The following GABBR2 variants were observed in gnomAD, a reference collection of about 807,000 sequenced individuals.
The protein encoded by GABBR2 is G-protein coupled receptor 51.
Under a neutral mutation model 105.6 loss-of-function variants are expected in GABBR2, and 23 were observed. That is an observed-to-expected ratio of 0.22 (90% CI 0.16 to 0.31). GABBR2 has a LOEUF of 0.31. Ranked by LOEUF, GABBR2 falls within the 10% of genes least tolerant of loss-of-function variation. GABBR2 has a pLI of 1.00. For missense variants in GABBR2, 734 were observed against 1,245.5 expected (o/e 0.59, Z 6.18); for synonymous variants, 478 against 499.7 (o/e 0.96, Z 0.58).
chr9:98,634,134 A>G (rs934433070), intron 1 of GABBR2, among the ~76,000 whole-genome samples: 3 of 152,206 alleles, frequency 2.0e-5, no homozygotes, highest in African/African-American at 4.8e-5. Context: ...AGGAGTGCCT[A>G]TTAGGTGTAG....
chr9:98,700,507 C>A (rs1056507142), intron 1 of GABBR2, among the ~76,000 whole-genome samples: 3 of 152,118 alleles, frequency 2.0e-5, no homozygotes, highest in Non-Finnish European at 2.9e-5. Context: ...CTACCCGACT[C>A]TCCTTCCTTC....
At chr9:98,646,620 C>A in intron 1 of GABBR2, among the ~76,000 whole-genome samples, 1 of 152,162 alleles carries the variant, frequency 6.6e-6, no homozygotes. Context: ...CTTCAAAAGC[C>A]CTAAAGCTAT....
intron 1 of GABBR2, among the ~76,000 whole-genome samples, chr9:98,661,580 T>C (rs1830264401): frequency 6.6e-6 from 1 of 152,084 alleles, no homozygotes; most frequent in Non-Finnish European, 1.5e-5. Context: ...TTTGTATTTT[T>C]AGTAGAGGCA....
At chr9:98,341,144 G>GA (rs1422085587) in intron 13 of GABBR2, among the ~76,000 whole-genome samples, 1 of 152,224 alleles carries the variant, frequency 6.6e-6, no homozygotes, top group African/African-American at 2.4e-5. Context: ...CAAGGAAGAT[G>GA]AAATCAACTG....
At chr9:98,695,952 C>T (rs535942457) in intron 1 of GABBR2, among the ~76,000 whole-genome samples, 2 of 152,212 alleles carry the variant, frequency 1.3e-5, no homozygotes, top group Non-Finnish European at 2.9e-5. Context: ...TTACTGAGCA[C>T]CTACTATGTG....
intron 7 of GABBR2, among the ~76,000 whole-genome samples, chr9:98,446,836 G>C (rs28469088): frequency 0.12 from 17,982 of 152,064 alleles, 1,131 homozygotes; most frequent in South Asian, 0.19. Flanking sequence ...TACCACATTT[G>C]GACTATTTCA....
At position 98,492,349 on chromosome 9, in the gene GABBR2, T is replaced by TAAAAAAAAAAAAAAAAAAAAAAAAAAAAA. The variant is rs574771107; in HGVS notation, c.732+4063_732+4064insTTTTTTTTTTTTTTTTTTTTTTTTTTTTT. Among the ~76,000 whole-genome samples, 12 of 29,220 alleles carry TAAAAAAAAAAAAAAAAAAAAAAAAAAAAA rather than the reference T, an allele frequency of 4.1e-4. 2 individuals are homozygous for TAAAAAAAAAAAAAAAAAAAAAAAAAAAAA. The highest frequency in any genetic ancestry group is 6.3e-4 in the Admixed American group (1 of 1,580). 19.2% of individuals were successfully genotyped at this position (29,220 alleles called of 152,430 possible). A position where few individuals can be genotyped will look rare whatever the true frequency, so the allele number is the denominator to read the frequency against. On this transcript the variant is annotated intron_variant, in intron 4 of 18. Transcript: ENST00000259455. ...GAGCCCGCTTAAGTTTGTTTCCTAG[T>TAAAAAAAAAAAAAAAAAAAAAAAAAAAAA]AAAAAAAAAAAAAAAAAAAAAAAAA... is the stretch of plus-strand genomic sequence containing the variant.
chr9:98,390,756 G>A (rs151217606), intron 9 of GABBR2, among the ~76,000 whole-genome samples: 29 of 152,202 alleles, frequency 1.9e-4, no homozygotes, highest in Non-Finnish European at 3.5e-4. Flanking sequence ...GATCCTGGCT[G>A]GAAACAAGCC....
chr9:98,658,293 A>C (rs1046951346), intron 1 of GABBR2, among the ~76,000 whole-genome samples: 2 of 152,200 alleles, frequency 1.3e-5, no homozygotes, highest in African/African-American at 4.8e-5. Context: ...CCCCACCTCC[A>C]GAAGATTCTG....
chr9:98,625,781 T>G (rs546947240), intron 1 of GABBR2, among the ~76,000 whole-genome samples: 175 of 152,292 alleles, frequency 1.1e-3, no homozygotes, highest in Non-Finnish European at 1.8e-3. Flanking sequence ...GGGAATGCAT[T>G]TAGGCAACTC....
intron 5 of GABBR2, among the ~76,000 whole-genome samples, chr9:98,476,924 C>A (rs144504148): frequency 0.01 from 1,525 of 152,342 alleles, 8 homozygotes; most frequent in Non-Finnish European, 0.015. Flanking sequence ...GAGTGAGGCT[C>A]TCCTGCAAGG....
At chr9:98,487,132 A>G (rs894599656) in intron 4 of GABBR2, among the ~76,000 whole-genome samples, 1 of 152,218 alleles carries the variant, frequency 6.6e-6, no homozygotes, top group Non-Finnish European at 1.5e-5. Context: ...CTAATAATAT[A>G]TCTATGTCGT....
chr9:98,392,596 T>C (rs1259719867), intron 9 of GABBR2, among the ~76,000 whole-genome samples: 22 of 152,142 alleles, frequency 1.4e-4, no homozygotes, highest in Non-Finnish European at 2.9e-5. Context: ...CCAGTGGAAA[T>C]ATAGGAACAT....
Position 98,299,217 on chromosome 9 carries a change from CT to C in GABBR2, c.2542+6del, listed in dbSNP as rs774664411. 49 of 1,613,576 alleles carry C rather than the reference CT, an allele frequency of 3.0e-5. No individual in the cohort carries two copies. The highest frequency in any genetic ancestry group is 4.0e-5 in the African/African-American group (3 of 74,936). ...CCTACCACATTCTGGGGCCCTGGCT[CT>C]CTTACCTGTGCTCTCAGTGAAGTTT... is the stretch of plus-strand genomic sequence containing the variant. On this transcript the variant is annotated splice_donor_region_variant and intron_variant, in intron 17 of 18. Coordinates refer to ENST00000259455, the MANE Select transcript of GABBR2 (RefSeq NM_005458.8).
At chr9:98,541,538 C>G (rs1364379876) in intron 3 of GABBR2, among the ~76,000 whole-genome samples, 4 of 151,964 alleles carry the variant, frequency 2.6e-5, no homozygotes, top group Non-Finnish European at 5.9e-5. Context: ...GAACACACCC[C>G]CTGGTAGAAC....
intron 16 of GABBR2, among the ~76,000 whole-genome samples, chr9:98,300,352 C>A (rs570945322): frequency 1.3e-5 from 2 of 151,124 alleles, no homozygotes; most frequent in East Asian, 3.9e-4. Context: ...TCTATGTTGC[C>A]CAGGCCGGTC....
At chr9:98,472,603 G>A (rs1166392106) in intron 6 of GABBR2, among the ~76,000 whole-genome samples, 1 of 152,224 alleles carries the variant, frequency 6.6e-6, no homozygotes, top group East Asian at 1.9e-4. Context: ...GATCACAACA[G>A]TATGCTGAAT....
chr9:98,368,486 A>G (rs927316349), intron 12 of GABBR2, among the ~76,000 whole-genome samples: 1 of 152,142 alleles, frequency 6.6e-6, no homozygotes, highest in African/African-American at 2.4e-5. Flanking sequence ...CAGGCAGTGC[A>G]GGAGGAAGTG....
chr9:98,331,446 G>A (rs569636720), intron 13 of GABBR2, among the ~76,000 whole-genome samples: 86 of 119,324 alleles, frequency 7.2e-4, no homozygotes, highest in African/African-American at 2.8e-3. Flanking sequence ...AAGGCAGGAT[G>A]AGCAGCCACC....
Sources: allele counts gnomAD v4.1 joint callset (sites outside exome capture counted in the v4.1 genomes callset), GRCh38; gene constraint gnomAD v4.1.1; transcripts MANE v1.5; gene names NCBI Gene and HGNC (gene_info 2026-07-23, HGNC 2026-07-21).